Variants in ADD3 observed in about 807,000 individuals in gnomAD.
ADD3 encodes adducin 3, also known as gamma-adducin.
A neutral mutation model predicts 80.2 loss-of-function variants in ADD3; 25 were observed. That is an observed-to-expected ratio of 0.31 (90% CI 0.23 to 0.44). ADD3 has a LOEUF of 0.44. Ranked by LOEUF, ADD3 falls within the 20% of genes least tolerant of loss-of-function variation. The pLI is 1.00. For synonymous variants in ADD3, 284 were observed against 289.6 expected, an observed-to-expected ratio of 0.98 and a Z score of 0.20; for missense variants, 829 against 847.5, an observed-to-expected ratio of 0.98 and a Z score of 0.27.
intron 1 of ADD3, among the ~76,000 whole-genome samples, chr10:110,060,747 A>G (rs78473922): frequency 0.018 from 2,773 of 152,346 alleles, 86 homozygotes; most frequent in African/African-American, 0.062. Flanking sequence ...TTGGACAGAC[A>G]GAACTTGAAG....
At chr10:110,105,703 G>A (rs1305655294) in intron 2 of ADD3, among the ~76,000 whole-genome samples, 1 of 152,190 alleles carries the variant, frequency 6.6e-6, no homozygotes, top group African/African-American at 2.4e-5. Flanking sequence ...GCATACTGCT[G>A]TAAGCTTATT....
At chr10:110,004,150 C>T (rs1464887237), upstream of ADD3, among the ~76,000 whole-genome samples, 1 of 151,744 alleles carries the variant, frequency 6.6e-6, no homozygotes, top group Non-Finnish European at 1.5e-5. Context: ...AATAAAAAGC[C>T]CTCCTTGCAG....
At chr10:110,031,745 ATT>A (rs565268979) in intron 1 of ADD3, among the ~76,000 whole-genome samples, 2 of 142,744 alleles carry the variant, frequency 1.4e-5, no homozygotes, top group African/African-American at 5.1e-5. Context: ...GACATGAGCT[ATT>A]TTTTTTTTTT....
At chr10:110,124,677 T>A (rs1851918284) in intron 10 of ADD3, among the ~76,000 whole-genome samples, 1 of 152,192 alleles carries the variant, frequency 6.6e-6, no homozygotes, top group Non-Finnish European at 1.5e-5. Context: ...GTAAAAGTTA[T>A]CAACTCCTAA....
chr10:110,086,546 T>C (rs1309880263), intron 1 of ADD3, among the ~76,000 whole-genome samples: 2 of 152,226 alleles, frequency 1.3e-5, no homozygotes, highest in Non-Finnish European at 2.9e-5. Flanking sequence ...TGGTTTCTAA[T>C]GGTTTAGTAC....
intron 2 of ADD3, among the ~76,000 whole-genome samples, chr10:110,109,971 G>A (rs910542464): frequency 1.1e-4 from 17 of 152,030 alleles, no homozygotes; most frequent in South Asian, 2.1e-4. Context: ...GATTTAAATC[G>A]TGTATTTAAA....
In ADD3 at chr10:110,051,565, A is replaced by G. The variant is rs1226201227; in HGVS notation, c.-30+43266A>G. 5.3e-5 allele frequency among the ~76,000 whole-genome samples: 8 copies of G among 152,222 alleles called. No individual in the cohort carries two copies. In the South Asian group the frequency reaches 8.3e-4, roughly 16 times the overall value. On this transcript the variant is annotated intron_variant, in intron 1 of 14. Transcript: ENST00000356080. ...TATCCATACAGTGGAATACTGTGCA[A>G]CCATTTAAAAATAAGTTAGATGGCT... is the stretch of plus-strand genomic sequence containing the variant.
intron 1 of ADD3, chr10:110,016,468 T>A (rs1349999946): frequency 1.3e-5 from 2 of 152,196 alleles, no homozygotes; most frequent in African/African-American, 4.8e-5. Context: ...CGAGTAGTGG[T>A]GAAATTAAAT....
chr10:110,115,080 TAAA>T (rs752916695), intron 3 of ADD3, among the ~76,000 whole-genome samples: 19 of 84,896 alleles, frequency 2.2e-4, no homozygotes, highest in Admixed American at 4.3e-4. Flanking sequence ...CCCCTGCCTC[TAAA>T]AAAAAAAAAA....
chr10:110,020,138 C>A (rs1408559981), intron 1 of ADD3, among the ~76,000 whole-genome samples: 1 of 152,064 alleles, frequency 6.6e-6, no homozygotes, highest in African/African-American at 2.4e-5. Context: ...CCTGTTTAGC[C>A]CTTATTTTTT....
intron 1 of ADD3, among the ~76,000 whole-genome samples, chr10:109,998,334 A>C (rs1038137048): frequency 7.2e-5 from 11 of 151,944 alleles, no homozygotes; most frequent in Non-Finnish European, 1.6e-4. Context: ...CCTTTTCTGC[A>C]CTCAACTCAT....
intron 1 of ADD3, among the ~76,000 whole-genome samples, chr10:110,099,494 T>A (rs1241698215): frequency 6.6e-6 from 1 of 152,204 alleles, no homozygotes; most frequent in Admixed American, 6.5e-5. Context: ...CATCAATCAA[T>A]TTGACTAGCG....
chr10:110,102,929 G>A (rs556486184), intron 2 of ADD3, among the ~76,000 whole-genome samples: 1 of 152,232 alleles, frequency 6.6e-6, no homozygotes, highest in African/African-American at 2.4e-5. Flanking sequence ...CTTATGCCTT[G>A]GGGAACTTAG....
intron 1 of ADD3, among the ~76,000 whole-genome samples, chr10:110,019,597 G>A (rs552331986): frequency 3.3e-5 from 5 of 152,014 alleles, no homozygotes; most frequent in African/African-American, 9.7e-5. Flanking sequence ...CTCATGATCC[G>A]CCCACCTCGG....
At chr10:110,126,741 C>T (rs1018340149) in intron 12 of ADD3, among the ~76,000 whole-genome samples, 1 of 152,166 alleles carries the variant, frequency 6.6e-6, no homozygotes, top group African/African-American at 2.4e-5. Context: ...GATGAGGTCT[C>T]ACTCTGTTGC....
intron 1 of ADD3, among the ~76,000 whole-genome samples, chr10:110,056,450 T>C (rs1345239242): frequency 2.6e-5 from 4 of 152,186 alleles, no homozygotes; most frequent in Non-Finnish European, 5.9e-5. Flanking sequence ...CCATTTTATA[T>C]TGGGAATTAA....
At chr10:110,099,394 C>A (rs1263147797) in intron 1 of ADD3, among the ~76,000 whole-genome samples, 1 of 152,146 alleles carries the variant, frequency 6.6e-6, no homozygotes, top group African/African-American at 2.4e-5. Flanking sequence ...ACATTTCCTA[C>A]CCCTTCTCCC....
chr10:110,114,953 C>T (rs1056620909), intron 3 of ADD3, among the ~76,000 whole-genome samples: 1 of 151,770 alleles, frequency 6.6e-6, no homozygotes, highest in African/African-American at 2.4e-5. Context: ...GGCAGCATGC[C>T]CTGTAGTCCT....
In ADD3 at chr10:110,033,175, A is replaced by G. The variant is rs541195503; in HGVS notation, c.-30+24876A>G. Among the ~76,000 whole-genome samples, 7 of 152,348 alleles carry G rather than the reference A, an allele frequency of 4.6e-5. No homozygotes were observed. In the South Asian group the frequency reaches 8.3e-4, roughly 18 times the overall value. ...ATGGCTTTACAAAAAGAAGATTTTG[A>G]TATATTCATAGTAATAAACTTGGTT... On this transcript the variant is annotated intron_variant, in intron 1 of 14. Transcript: ENST00000356080.
Sources: allele counts gnomAD v4.1 joint callset (sites outside exome capture counted in the v4.1 genomes callset), GRCh38; gene constraint gnomAD v4.1.1; transcripts MANE v1.5; gene names NCBI Gene and HGNC (gene_info 2026-07-23, HGNC 2026-07-21).